MGAT4C: variants seen among roughly 807,000 people sequenced by gnomAD.
The protein encoded by MGAT4C is alpha-1,3-mannosyl-glycoprotein 4-beta-N-acetylglucosaminyltransferase C.
Under a neutral mutation model 40.1 loss-of-function variants are expected in MGAT4C, and 19 were observed. That is an observed-to-expected ratio of 0.47 (90% CI 0.33 to 0.70). MGAT4C has a LOEUF of 0.70. Among genes scored for constraint, MGAT4C ranks in the 30% least tolerant of loss-of-function variants. The pLI, the probability that MGAT4C is intolerant of heterozygous loss-of-function variation, is 0.02. For missense variants in MGAT4C, 491 were observed against 563.2 expected (o/e 0.87, Z 1.30); for synonymous variants, 181 against 187.1 (o/e 0.97, Z 0.27).
At chr12:86,757,190 G>A (rs942200143) in intron 1 of MGAT4C, among the ~76,000 whole-genome samples, 4 of 149,816 alleles carry the variant, frequency 2.7e-5, no homozygotes, top group African/African-American at 9.9e-5. Context: ...CACAGGGAGG[G>A]GAACATCACA....
intron 1 of MGAT4C, among the ~76,000 whole-genome samples, chr12:86,802,884 T>C (rs1468422996): frequency 7.1e-6 from 1 of 140,856 alleles, no homozygotes; most frequent in African/African-American, 2.7e-5. Flanking sequence ...AAGCTACCAA[T>C]GCCTTTCTTC....
intron 1 of MGAT4C, among the ~76,000 whole-genome samples, chr12:86,807,063 C>T (rs191402780): frequency 2.0e-5 from 3 of 151,540 alleles, no homozygotes; most frequent in African/African-American, 7.2e-5. Flanking sequence ...AAGAAAACGT[C>T]TTATATATGA....
chr12:86,790,906 T>C (rs147540570), intron 1 of MGAT4C, among the ~76,000 whole-genome samples: 1 of 152,238 alleles, frequency 6.6e-6, no homozygotes, highest in African/African-American at 2.4e-5. Flanking sequence ...TCAGACAATG[T>C]TGAAAAATAC....
chr12:86,697,364 T>C (rs1593125426), intron 2 of MGAT4C, among the ~76,000 whole-genome samples: 1 of 152,060 alleles, frequency 6.6e-6, no homozygotes, highest in East Asian at 1.9e-4. Context: ...GTGGAACAGC[T>C]AGGGAATCGT....
intron 2 of MGAT4C, among the ~76,000 whole-genome samples, chr12:86,678,227 C>T (rs1389065401): frequency 3.3e-5 from 5 of 151,952 alleles, no homozygotes; most frequent in Non-Finnish European, 5.9e-5. Context: ...TTAGTTTAGC[C>T]GTTTCAGTCA....
intron 2 of MGAT4C, among the ~76,000 whole-genome samples, chr12:86,536,617 A>C (rs989785892): frequency 2.6e-5 from 4 of 152,218 alleles, no homozygotes; most frequent in African/African-American, 9.6e-5. Context: ...ATAGAGAAAC[A>C]AAAATTTAGT....
chr12:86,157,990 A>G (rs1051664557), intron 1 of MGAT4C, among the ~76,000 whole-genome samples: 1 of 152,234 alleles, frequency 6.6e-6, no homozygotes, highest in African/African-American at 2.4e-5. Flanking sequence ...ACTTTATTCA[A>G]GAAGCAGCAA....
At chr12:86,159,402 G>A (rs919505071) in intron 1 of MGAT4C, among the ~76,000 whole-genome samples, 1 of 148,782 alleles carries the variant, frequency 6.7e-6, no homozygotes, top group East Asian at 2.0e-4. Flanking sequence ...ACATTTTGAT[G>A]TGCTGCTGGA....
At chr12:85,997,671 A>G (rs1400818539) in intron 2 of MGAT4C, among the ~76,000 whole-genome samples, 4 of 152,196 alleles carry the variant, frequency 2.6e-5, no homozygotes, top group Admixed American at 2.0e-4. Context: ...TAAGGCTCCA[A>G]AATTATCTCC....
Position 86,036,288 on chromosome 12 carries a change from T to G in MGAT4C, c.-7+13386A>C, listed in dbSNP as rs138076434. On this transcript the variant is annotated intron_variant, in intron 2 of 4. Transcript: ENST00000611864. ...GAGACACTTTGACTTCCTCTTTTCT[T>G]AATTGAATAGCCTTTATTTATTTCT... Among the ~76,000 whole-genome samples, 497 of 150,128 alleles carry G rather than the reference T, an allele frequency of 3.3e-3. 10 individuals carry two copies. Among genetic ancestry groups the G allele is most frequent in the African/African-American group, 0.011 (475 of 41,358 alleles).
chr12:86,198,791 C>T (rs1351431394), intron 1 of MGAT4C, among the ~76,000 whole-genome samples: 1 of 152,026 alleles, frequency 6.6e-6, no homozygotes, highest in African/African-American at 2.4e-5. Flanking sequence ...TCTTCATTTA[C>T]CGGTTGAAAA....
At position 86,268,009 on chromosome 12, in the gene MGAT4C, A is replaced by G. The variant is rs190611509; in HGVS notation, c.-57+66056T>C. Among the ~76,000 whole-genome samples, 4 of 152,238 alleles carry G rather than the reference A, an allele frequency of 2.6e-5. 1 individual carries two copies. Among genetic ancestry groups the G allele is most frequent in the African/African-American group, 9.6e-5 (4 of 41,578 alleles). On this transcript the variant is annotated intron_variant, in intron 4 of 7. Coordinates refer to the MGAT4C transcript ENST00000548651. The stretch of plus-strand genomic sequence containing the variant: ...TTGAAACTCATAGCGACATCCCCAG[A>G]TTCCTGGGGTGAAGTTAGATTTGAA...
intron 1 of MGAT4C, among the ~76,000 whole-genome samples, chr12:86,730,613 C>T (rs558535272): frequency 4.6e-5 from 7 of 151,946 alleles, no homozygotes; most frequent in African/African-American, 1.7e-4. Context: ...TTTTTTCTAC[C>T]ATAAATTCAT....
At chr12:86,019,516 A>G (rs906855631) in intron 2 of MGAT4C, among the ~76,000 whole-genome samples, 1 of 152,120 alleles carries the variant, frequency 6.6e-6, no homozygotes, top group African/African-American at 2.4e-5. Context: ...TGGTTAAGCA[A>G]TTAATATTGA....
chr12:86,024,461 G>A (rs186779571), intron 2 of MGAT4C, among the ~76,000 whole-genome samples: 3 of 151,806 alleles, frequency 2.0e-5, no homozygotes, highest in Admixed American at 6.6e-5. Context: ...GCCTAACAGG[G>A]TTTTGTTTCT....
intron 2 of MGAT4C, among the ~76,000 whole-genome samples, chr12:86,495,643 T>C (rs756172936): frequency 6.6e-6 from 1 of 151,996 alleles, no homozygotes; most frequent in African/African-American, 2.4e-5. Context: ...GAGTAGCAGA[T>C]ACCTACAGGA....
chr12:86,496,584 T>A (rs1036026934), intron 2 of MGAT4C, among the ~76,000 whole-genome samples: 12 of 123,978 alleles, frequency 9.7e-5, no homozygotes, highest in Non-Finnish European at 2.2e-4. Context: ...TAAATGTGTT[T>A]GATTGTTCTT....
chr12:86,011,866 C>A, intron 2 of MGAT4C: 1 of 984,828 alleles, frequency 1.0e-6, no homozygotes, highest in Non-Finnish European at 1.2e-6. Flanking sequence ...GGTGAGCACA[C>A]CCTGATAATA....
chr12:86,808,432 C>G (rs1229030529), intron 1 of MGAT4C, among the ~76,000 whole-genome samples: 3 of 152,014 alleles, frequency 2.0e-5, no homozygotes, highest in Admixed American at 6.6e-5. Flanking sequence ...TTGTCCACCA[C>G]AATCCAGTTG....
Sources: gnomAD v4.1 joint callset for allele counts (sites outside exome capture counted in the v4.1 genomes callset) on GRCh38, gnomAD v4.1.1 for gene constraint, MANE v1.5 for transcripts, NCBI Gene and HGNC (gene_info 2026-07-23, HGNC 2026-07-21) for gene names.